COL21A1: variants seen among roughly 807,000 people sequenced by gnomAD.
COL21A1 encodes the protein collagen alpha-1(XXI) chain.
A neutral mutation model predicts 137.9 loss-of-function variants in COL21A1; 149 were observed. That is an observed-to-expected ratio of 1.08 (90% CI 0.95 to 1.24). COL21A1 has a LOEUF of 1.24. Ranked by LOEUF, COL21A1 falls within the 50% of genes most tolerant of loss-of-function variation. The pLI, the probability that COL21A1 is intolerant of heterozygous loss-of-function variation, is 0.00. For synonymous variants in COL21A1, 456 were observed against 391.5 expected, an observed-to-expected ratio of 1.16 and a Z score of -1.95; for missense variants, 1,167 against 1,158.4, an observed-to-expected ratio of 1.01 and a Z score of -0.11.
intron 1 of COL21A1, among the ~76,000 whole-genome samples, chr6:56,232,127 T>C (rs1312889066): frequency 6.6e-6 from 1 of 151,824 alleles, no homozygotes; most frequent in Admixed American, 6.6e-5. Context: ...GAAAGACATA[T>C]AATTGGGCAC....
chr6:56,341,830 T>C (rs897821905), intron 1 of COL21A1, among the ~76,000 whole-genome samples: 11 of 152,198 alleles, frequency 7.2e-5, no homozygotes, highest in Non-Finnish European at 1.5e-4. Flanking sequence ...TGGCAGGGCA[T>C]ATATGAGAGG....
At chr6:56,304,031 C>A (rs572123636) in intron 1 of COL21A1, among the ~76,000 whole-genome samples, 6 of 152,078 alleles carry the variant, frequency 3.9e-5, no homozygotes, top group African/African-American at 1.4e-4. Flanking sequence ...TGCTGGATTA[C>A]GTTTATTGAT....
At chr6:56,243,831 A>G (rs1455526397) in intron 1 of COL21A1, among the ~76,000 whole-genome samples, 3 of 152,214 alleles carry the variant, frequency 2.0e-5, no homozygotes, top group Non-Finnish European at 2.9e-5. Context: ...CCAAGAGTCT[A>G]TGCAGAAAGT....
At chr6:56,222,188 A>T (rs1657504861) in intron 1 of COL21A1, among the ~76,000 whole-genome samples, 1 of 151,982 alleles carries the variant, frequency 6.6e-6, no homozygotes, top group African/African-American at 2.4e-5. Context: ...CAGGAGAATC[A>T]CTTGAACCCA....
intron 12 of COL21A1, among the ~76,000 whole-genome samples, chr6:56,132,161 A>C (rs1404406456): frequency 1.3e-5 from 2 of 151,508 alleles, no homozygotes; most frequent in East Asian, 3.8e-4. Context: ...AAAAGAGATA[A>C]AAAATTTTTA....
chr6:56,290,694 G>A (rs1246084237), intron 1 of COL21A1, among the ~76,000 whole-genome samples: 3 of 152,000 alleles, frequency 2.0e-5, no homozygotes, highest in African/African-American at 4.8e-5. Flanking sequence ...TAGAGATGGG[G>A]TTTCCCCATG....
At chr6:56,208,885 T>C (rs998263447) in intron 1 of COL21A1, among the ~76,000 whole-genome samples, 1 of 152,058 alleles carries the variant, frequency 6.6e-6, no homozygotes, top group Non-Finnish European at 1.5e-5. Flanking sequence ...TCTACAACCA[T>C]CTTATCTTTG....
At chr6:56,317,564 C>A (rs551257603) in intron 1 of COL21A1, among the ~76,000 whole-genome samples, 1 of 152,178 alleles carries the variant, frequency 6.6e-6, no homozygotes, top group Non-Finnish European at 1.5e-5. Context: ...TCATTGACCA[C>A]CTTCCTCTCC....
chr6:56,267,485 A>G (rs1428507595), intron 1 of COL21A1, among the ~76,000 whole-genome samples: 1 of 152,144 alleles, frequency 6.6e-6, no homozygotes, highest in Non-Finnish European at 1.5e-5. Flanking sequence ...GGCCAGGCAC[A>G]GTGACTCATG....
intron 17 of COL21A1, 129 bp downstream of exon 17, chr6:56,101,343 C>A: frequency 2.8e-6 from 2 of 724,352 alleles, no homozygotes; most frequent in South Asian, 1.6e-5. Context: ...GCAGCTTCTA[C>A]AACATCTAAA....
At chr6:56,202,686 G>A (rs1373695675) in intron 1 of COL21A1, among the ~76,000 whole-genome samples, 1 of 152,160 alleles carries the variant, frequency 6.6e-6, no homozygotes, top group African/African-American at 2.4e-5. Flanking sequence ...TCACACTGCA[G>A]GGTAGGTATT....
chr6:56,339,507 T>C (rs574102331), intron 1 of COL21A1, among the ~76,000 whole-genome samples: 3 of 152,218 alleles, frequency 2.0e-5, no homozygotes, highest in Admixed American at 1.3e-4. Flanking sequence ...GAGTTTTGAA[T>C]TACTGATCTA....
chr6:56,321,988 C>A (rs1253736979), intron 1 of COL21A1, among the ~76,000 whole-genome samples: 1 of 152,114 alleles, frequency 6.6e-6, no homozygotes, highest in East Asian at 1.9e-4. Flanking sequence ...ATTTCTAAAT[C>A]AGCATGCAAT....
At chr6:56,100,129 C>A (rs1460824490) in intron 17 of COL21A1, among the ~76,000 whole-genome samples, 4 of 152,216 alleles carry the variant, frequency 2.6e-5, no homozygotes, top group Non-Finnish European at 4.4e-5. Context: ...AACAGAGACC[C>A]TTCTCTGCAG....
At chr6:56,113,082 G>A (rs771660231) in intron 16 of COL21A1, among the ~76,000 whole-genome samples, 3 of 152,162 alleles carry the variant, frequency 2.0e-5, no homozygotes, top group Non-Finnish European at 2.9e-5. Context: ...GGGCCAAAGC[G>A]CTTCAGTCTC....
chr6:56,176,238 C>G (rs1333070386), intron 3 of COL21A1, among the ~76,000 whole-genome samples: 1 of 151,814 alleles, frequency 6.6e-6, no homozygotes, highest in African/African-American at 2.4e-5. Context: ...ATTCCAAAAT[C>G]ACAGGCAACA....
chr6:56,184,479 G>T (rs1778131162), intron 1 of COL21A1, among the ~76,000 whole-genome samples: 1 of 152,064 alleles, frequency 6.6e-6, no homozygotes, highest in Non-Finnish European at 1.5e-5. Flanking sequence ...ATAATGTGAA[G>T]TTTTAATATC....
At chr6:56,263,706 G>A (rs928534534) in intron 1 of COL21A1, among the ~76,000 whole-genome samples, 2 of 152,144 alleles carry the variant, frequency 1.3e-5, no homozygotes, top group African/African-American at 4.8e-5. Context: ...TTCTGTTTTA[G>A]GCAAAAGTTC....
intron 17 of COL21A1, among the ~76,000 whole-genome samples, chr6:56,093,627 A>G (rs1769059031): frequency 6.6e-6 from 1 of 152,134 alleles, no homozygotes; most frequent in Non-Finnish European, 1.5e-5. Context: ...CAGCCTTGGA[A>G]CCACTATTCT....
Sources: gnomAD v4.1 joint callset for allele counts (sites outside exome capture counted in the v4.1 genomes callset) on GRCh38, gnomAD v4.1.1 for gene constraint, MANE v1.5 for transcripts, NCBI Gene and HGNC (gene_info 2026-07-23, HGNC 2026-07-21) for gene names.